Variants in CTNNA3 observed in about 807,000 individuals in gnomAD.
CTNNA3 encodes catenin alpha 3.
Under a neutral mutation model 95.7 loss-of-function variants are expected in CTNNA3, and 76 were observed. That is an observed-to-expected ratio of 0.79 (90% CI 0.66 to 0.96). The LOEUF is 0.96. Ranked by LOEUF, CTNNA3 falls within the 40% of genes least tolerant of loss-of-function variation. The pLI is 0.00. For missense variants in CTNNA3, 1,191 were observed against 1,089.8 expected (o/e 1.09, Z -1.31); for synonymous variants, 431 against 374.4 (o/e 1.15, Z -1.74).
intron 1 of CTNNA3, among the ~76,000 whole-genome samples, chr10:67,708,677 A>G (rs2133609322): frequency 1.3e-5 from 2 of 152,188 alleles, no homozygotes; most frequent in South Asian, 4.1e-4. Flanking sequence ...AAGACAGTAG[A>G]TTTTCTGTTT....
At chr10:67,232,606 C>T (rs1206510841) in intron 5 of CTNNA3, among the ~76,000 whole-genome samples, 6 of 151,136 alleles carry the variant, frequency 4.0e-5, no homozygotes, top group Non-Finnish European at 7.4e-5. Context: ...CATCAACTAA[C>T]GAGCAAAATA....
At chr10:67,580,424 T>C (rs578246050) in intron 3 of CTNNA3, among the ~76,000 whole-genome samples, 208 of 151,734 alleles carry the variant, frequency 1.4e-3, no homozygotes, top group African/African-American at 4.7e-3. Context: ...GATATCCCTG[T>C]TTTGGTACCA....
intron 5 of CTNNA3, among the ~76,000 whole-genome samples, chr10:67,340,239 T>C (rs1485471086): frequency 2.0e-5 from 3 of 152,190 alleles, no homozygotes; most frequent in African/African-American, 7.2e-5. Flanking sequence ...TCAAATTTCA[T>C]TTAAAATTAT....
intron 17 of CTNNA3, among the ~76,000 whole-genome samples, chr10:65,944,431 C>T (rs2077478464): frequency 6.6e-6 from 1 of 152,176 alleles, no homozygotes; most frequent in Non-Finnish European, 1.5e-5. Context: ...AACAGCTATA[C>T]AAACAAAATT....
intron 7 of CTNNA3, among the ~76,000 whole-genome samples, chr10:67,152,786 T>C (rs1861140835): frequency 1.1e-5 from 1 of 87,456 alleles, no homozygotes; most frequent in African/African-American, 7.5e-5. Context: ...TATCTTTCAG[T>C]AAACCTTTAT....
At chr10:66,185,222 A>G (rs1042706728) in intron 13 of CTNNA3, among the ~76,000 whole-genome samples, 6 of 152,188 alleles carry the variant, frequency 3.9e-5, no homozygotes, top group Non-Finnish European at 5.9e-5. Context: ...ATAAATAGAG[A>G]AAAACATCAC....
intron 7 of CTNNA3, among the ~76,000 whole-genome samples, chr10:66,997,043 T>C (rs1851393916): frequency 6.6e-6 from 1 of 152,212 alleles, no homozygotes; most frequent in Admixed American, 6.5e-5. Flanking sequence ...GATCTGTTTA[T>C]ATTAATACTA....
At chr10:66,912,444 T>C (rs956071720) in intron 7 of CTNNA3, among the ~76,000 whole-genome samples, 2 of 152,168 alleles carry the variant, frequency 1.3e-5, no homozygotes, top group Non-Finnish European at 2.9e-5. Context: ...CTATTCTATT[T>C]CATTAAAAAT....
intron 12 of CTNNA3, among the ~76,000 whole-genome samples, chr10:66,333,003 GTTTA>G (rs2092349711): frequency 6.6e-6 from 1 of 152,078 alleles, no homozygotes; most frequent in Non-Finnish European, 1.5e-5. Flanking sequence ...AGATTTTCTA[GTTTA>G]TTTGTGTAGA....
chr10:67,650,330 G>A (rs961556725), intron 1 of CTNNA3, among the ~76,000 whole-genome samples: 1 of 152,128 alleles, frequency 6.6e-6, no homozygotes, highest in Non-Finnish European at 1.5e-5. Flanking sequence ...TTATCCAAAA[G>A]AGATGGCTTA....
At chr10:67,707,206 T>C (rs531287157) in intron 1 of CTNNA3, among the ~76,000 whole-genome samples, 2 of 152,306 alleles carry the variant, frequency 1.3e-5, no homozygotes, top group African/African-American at 4.8e-5. Context: ...GCTCATGTTA[T>C]TCTCCTGCTT....
chr10:67,217,042 C>A (rs1360429875), intron 6 of CTNNA3, among the ~76,000 whole-genome samples: 1 of 152,134 alleles, frequency 6.6e-6, no homozygotes, highest in Non-Finnish European at 1.5e-5. Flanking sequence ...ATACTCACAC[C>A]CAGCCAAGGG....
intron 11 of CTNNA3, among the ~76,000 whole-genome samples, chr10:66,448,199 A>C (rs1410531180): frequency 6.6e-6 from 1 of 152,122 alleles, no homozygotes; most frequent in Non-Finnish European, 1.5e-5. Context: ...GAGGATGTGG[A>C]GAAATAGGAA....
chr10:66,706,149 T>A (rs1417919182), intron 9 of CTNNA3, among the ~76,000 whole-genome samples: 1 of 152,014 alleles, frequency 6.6e-6, no homozygotes, highest in Non-Finnish European at 1.5e-5. Context: ...ATCCCCAGGT[T>A]TACTACTGCC....
At chr10:66,640,596 C>T (rs980505945) in intron 9 of CTNNA3, among the ~76,000 whole-genome samples, 3 of 152,038 alleles carry the variant, frequency 2.0e-5, no homozygotes, top group Non-Finnish European at 2.9e-5. Context: ...TAGAACTATC[C>T]GTATCAAAGT....
intron 5 of CTNNA3, among the ~76,000 whole-genome samples, chr10:67,463,538 T>G (rs1026880175): frequency 3.3e-5 from 5 of 152,190 alleles, no homozygotes; most frequent in Non-Finnish European, 5.9e-5. Flanking sequence ...TACAGTCATG[T>G]CCTCTGGAGA....
intron 7 of CTNNA3, among the ~76,000 whole-genome samples, chr10:66,941,020 TA>T (rs936563026): frequency 2.6e-5 from 4 of 151,752 alleles, no homozygotes; most frequent in East Asian, 1.9e-4. Flanking sequence ...TGTAATTTAA[TA>T]AAAAAAAGAA....
intron 3 of CTNNA3, among the ~76,000 whole-genome samples, chr10:67,569,920 C>T (rs986239414): frequency 3.3e-5 from 5 of 152,084 alleles, no homozygotes; most frequent in African/African-American, 1.2e-4. Flanking sequence ...TCTACAATTA[C>T]CTTTTTTTCT....
At chr10:66,335,954 C>T (rs1455662910) in intron 12 of CTNNA3, among the ~76,000 whole-genome samples, 2 of 152,116 alleles carry the variant, frequency 1.3e-5, no homozygotes, top group Non-Finnish European at 2.9e-5. Flanking sequence ...TCCAGCCTTG[C>T]TGCTGCCTTG....
Sources: allele counts gnomAD v4.1 joint callset (sites outside exome capture counted in the v4.1 genomes callset), GRCh38; gene constraint gnomAD v4.1.1; transcripts MANE v1.5; gene names NCBI Gene and HGNC (gene_info 2026-07-23, HGNC 2026-07-21).